Variants in SEZ6L observed in about 807,000 individuals in gnomAD.
SEZ6L encodes seizure related 6 homolog like, also known as seizure 6-like protein.
SEZ6L carries 37 observed loss-of-function variants against 106.2 expected under a neutral mutation model. The observed-to-expected ratio is 0.35, with a 90% CI of 0.27 to 0.46. The LOEUF (loss-of-function observed/expected upper bound fraction) is 0.46. Among genes scored for constraint, SEZ6L ranks in the 20% least tolerant of loss-of-function variants. The pLI, the probability that SEZ6L is intolerant of heterozygous loss-of-function variation, is 1.00. For synonymous variants in SEZ6L, 541 were observed against 570.4 expected, an observed-to-expected ratio of 0.95 and a Z score of 0.73; for missense variants, 1,172 against 1,332.8, an observed-to-expected ratio of 0.88 and a Z score of 1.88.
chr22:26,292,645 G>C lies in SEZ6L; in HGVS notation c.334G>C (p.Ala112Pro). Reference sequence around the variant, plus strand: ...TCCAGAGGAGGCCCGCCCCAAGCACGCCTTGCCCCCCAAGAAGAAACTGCC... The same window carrying C: ...TCCAGAGGAGGCCCGCCCCAAGCACCCCTTGCCCCCCAAGAAGAAACTGCC... ...LLPEEARPKH[A>P]LPPKKKLPSL... is the part of the protein sequence containing the mutation. The change falls in exon 2 of 17, where the codon GCC becomes CCC. Residue 112 changes from alanine (A) to proline (P), a missense_variant. Physicochemically the swap from Ala to Pro is conservative, Grantham distance 27. Transcript: ENST00000248933. 1 of 1,613,008 alleles carries C rather than the reference G, an allele frequency of 6.2e-7. No homozygotes were observed. The highest frequency in any genetic ancestry group is 1.7e-4 in the Middle Eastern group (1 of 6,058).
chr22:26,270,029 G>A (rs1325105222), intron 1 of SEZ6L, among the ~76,000 whole-genome samples: 2 of 152,164 alleles, frequency 1.3e-5, no homozygotes, highest in Admixed American at 6.5e-5. Context: ...AGTGGTTAAG[G>A]ACACTTGCCC....
chr22:26,207,795 A>G (rs1418474573), intron 1 of SEZ6L, among the ~76,000 whole-genome samples: 1 of 152,150 alleles, frequency 6.6e-6, no homozygotes, highest in Non-Finnish European at 1.5e-5. Context: ...GCAATTATTG[A>G]CCCTTTGACC....
chr22:26,340,820 G>A (rs1601547499), intron 10 of SEZ6L, among the ~76,000 whole-genome samples, 188 bp downstream of exon 10: 2 of 152,168 alleles, frequency 1.3e-5, no homozygotes, highest in South Asian at 2.1e-4. Context: ...GCCCTAGCAC[G>A]GTCATCGATG....
rs868177187 is a variant in SEZ6L, at chr22:26,365,683, G to C, written c.2794+117G>C. 21 of 901,308 alleles carry C rather than the reference G, an allele frequency of 2.3e-5. No individual in the cohort carries two copies. The Middle Eastern group carries it at 1.5e-3, about 63-fold the overall frequency. 55.8% of individuals were successfully genotyped at this position (901,308 alleles called of 1,614,324 possible). Reference sequence around the variant, plus strand: ...GGACTAGGAGTTCGAGACCAGCCGAGGCAACATAGTGAGACCCCCATCTCT... The same window carrying C: ...GGACTAGGAGTTCGAGACCAGCCGACGCAACATAGTGAGACCCCCATCTCT... On this transcript the variant is annotated intron_variant, in intron 13 of 16. Transcript: ENST00000248933.
chr22:26,194,372 G>T (rs1940443006), intron 1 of SEZ6L, among the ~76,000 whole-genome samples: 1 of 152,174 alleles, frequency 6.6e-6, no homozygotes, highest in Non-Finnish European at 1.5e-5. Flanking sequence ...TGATTATCCT[G>T]CAGATCTTTG....
At position 26,253,354 on chromosome 22, in the gene SEZ6L, T is replaced by C. The variant is rs901425614; in HGVS notation, c.95-39052T>C. ...CCTCTGGAACCTTTATTGTTGGTGG[T>C]ACTGCTGCTGCTGCTGATGATGATG... On this transcript the variant is annotated intron_variant, in intron 1 of 16. Transcript: ENST00000248933. 4.6e-5 allele frequency among the ~76,000 whole-genome samples: 7 copies of C among 152,230 alleles called. No individual in the cohort carries two copies. In the East Asian group the frequency reaches 9.6e-4, roughly 21 times the overall value.
intron 1 of SEZ6L, among the ~76,000 whole-genome samples, chr22:26,181,091 C>A (rs2123776706): frequency 6.6e-6 from 1 of 152,342 alleles, no homozygotes; most frequent in East Asian, 1.9e-4. Context: ...CCCCTCTCTG[C>A]AGGGTGGATA....
At chr22:26,174,605 G>A (rs776721168) in intron 1 of SEZ6L, among the ~76,000 whole-genome samples, 2 of 152,198 alleles carry the variant, frequency 1.3e-5, no homozygotes, top group Non-Finnish European at 2.9e-5. Flanking sequence ...AGCACAGACA[G>A]CATCACACAA....
intron 1 of SEZ6L, among the ~76,000 whole-genome samples, chr22:26,170,906 T>C (rs1938550400): frequency 6.6e-6 from 1 of 152,128 alleles, no homozygotes; most frequent in African/African-American, 2.4e-5. Flanking sequence ...CCGTCTTGAC[T>C]CGGAGTTGGG....
intron 9 of SEZ6L, 84 bp from the exon 10 acceptor site, chr22:26,340,352 G>T (rs940975639): frequency 7.0e-5 from 93 of 1,334,134 alleles, no homozygotes; most frequent in Non-Finnish European, 9.6e-5. Flanking sequence ...AACAAATTTT[G>T]TATTGCCTGA....
At chr22:26,313,604 GCA>G (rs1316369342) in intron 8 of SEZ6L, among the ~76,000 whole-genome samples, 158 bp from the exon 9 acceptor site, 7 of 33,702 alleles carry the variant, frequency 2.1e-4, no homozygotes, top group Admixed American at 3.2e-4. Context: ...ACACACACAC[GCA>G]CACACACACA....
At chr22:26,261,022 GTA>G (rs1376892278) in intron 1 of SEZ6L, among the ~76,000 whole-genome samples, 1 of 152,066 alleles carries the variant, frequency 6.6e-6, no homozygotes, top group Non-Finnish European at 1.5e-5. Flanking sequence ...TTGGCCATTT[GTA>G]TATCTTCTTT....
chr22:26,213,326 G>T (rs1276317007), intron 1 of SEZ6L, among the ~76,000 whole-genome samples: 1 of 139,766 alleles, frequency 7.2e-6, no homozygotes, highest in East Asian at 2.1e-4. Context: ...TCCAGACACC[G>T]GCTGGGTGGT....
At chr22:26,325,228 G>T (rs1435051345) in intron 9 of SEZ6L, among the ~76,000 whole-genome samples, 1 of 152,186 alleles carries the variant, frequency 6.6e-6, no homozygotes, top group African/African-American at 2.4e-5. Context: ...CAAAGCAAGG[G>T]CCAACCCAGA....
At chr22:26,208,779 T>A (rs1941425967) in intron 1 of SEZ6L, among the ~76,000 whole-genome samples, 1 of 152,032 alleles carries the variant, frequency 6.6e-6, no homozygotes, top group Non-Finnish European at 1.5e-5. Flanking sequence ...AATTTGAGAA[T>A]TTTTCAACTA....
At chr22:26,369,594 C>T (rs1044634925) in intron 13 of SEZ6L, among the ~76,000 whole-genome samples, 2 of 152,002 alleles carry the variant, frequency 1.3e-5, no homozygotes, top group South Asian at 4.2e-4. Flanking sequence ...CCCACCTCTG[C>T]CTCCCAAAGT....
chr22:26,208,848 CTCTGTGTGTGTGTGTGTGTGTG>C (rs1180721670), intron 1 of SEZ6L, among the ~76,000 whole-genome samples: 4 of 106,904 alleles, frequency 3.7e-5, no homozygotes, highest in African/African-American at 1.3e-4. Context: ...TTGACTCTCT[CTCTGTGTGTGTGTGTGTGTGTG>C]TGTGTGTGTG....
chr22:26,334,730 C>A (rs577137724), intron 9 of SEZ6L, among the ~76,000 whole-genome samples: 1 of 152,276 alleles, frequency 6.6e-6, no homozygotes, highest in African/African-American at 2.4e-5. Context: ...GAGATGGGAG[C>A]TGAGATCTTC....
intron 12 of SEZ6L, among the ~76,000 whole-genome samples, chr22:26,357,497 C>T (rs955865653): frequency 2.0e-5 from 3 of 152,190 alleles, no homozygotes; most frequent in Admixed American, 2.0e-4. Flanking sequence ...ATTTCCTAGG[C>T]CGGGTTGTGT....
Sources: allele counts gnomAD v4.1 joint callset (sites outside exome capture counted in the v4.1 genomes callset), GRCh38; gene constraint gnomAD v4.1.1; transcripts MANE v1.5; gene names NCBI Gene and HGNC (gene_info 2026-07-23, HGNC 2026-07-21).